The following ACSL6 variants were observed in gnomAD, a reference collection of about 807,000 sequenced individuals.
ACSL6 encodes the protein acyl-CoA synthetase long chain family member 6.
Under a neutral mutation model 98.2 loss-of-function variants are expected in ACSL6, and 47 were observed. The observed-to-expected ratio is 0.48, with a 90% CI of 0.38 to 0.61. The LOEUF (loss-of-function observed/expected upper bound fraction) is 0.61. Ranked by LOEUF, ACSL6 falls within the 20% of genes least tolerant of loss-of-function variation. The pLI is 0.00. For synonymous variants in ACSL6, 362 were observed against 336.9 expected, an observed-to-expected ratio of 1.07 and a Z score of -0.82; for missense variants, 761 against 913.4, an observed-to-expected ratio of 0.83 and a Z score of 2.15.
chr5:131,986,956 T>TAC (rs1420496974), intron 7 of ACSL6, 102 bp from the exon 8 acceptor site: 61 of 1,066,376 alleles, frequency 5.7e-5, no homozygotes, highest in East Asian at 2.5e-4. Context: ...CACATACACA[T>TAC]ACACACACAC....
chr5:131,990,480 G>A (rs1754445916), intron 3 of ACSL6, among the ~76,000 whole-genome samples: 1 of 152,198 alleles, frequency 6.6e-6, no homozygotes, highest in Non-Finnish European at 1.5e-5. Context: ...GGACCACTGG[G>A]AGGAGGTGGT....
intron 10 of ACSL6, chr5:131,975,758 T>C (rs1321500566): frequency 1.0e-6 from 1 of 985,362 alleles, no homozygotes; most frequent in Non-Finnish European, 1.2e-6. Context: ...GCTTGGGATC[T>C]GGGTGGGCTG....
intron 20 of ACSL6, among the ~76,000 whole-genome samples, chr5:131,956,658 A>G (rs1752423659): frequency 6.6e-6 from 1 of 152,230 alleles, no homozygotes; most frequent in African/African-American, 2.4e-5. Context: ...CAGTTGTTTA[A>G]CTGACACTGA....
chr5:131,986,681 C>T (rs1279900579), intron 8 of ACSL6, 141 bp downstream of exon 8: 8 of 1,033,678 alleles, frequency 7.7e-6, no homozygotes, highest in African/African-American at 4.7e-5. Context: ...GTCCTGGACA[C>T]TCAAGTGGGC....
chr5:131,956,848 A>G (rs1246564696), intron 20 of ACSL6, among the ~76,000 whole-genome samples: 10 of 152,224 alleles, frequency 6.6e-5, no homozygotes, highest in Admixed American at 6.5e-4. Flanking sequence ...ATGAAACTGG[A>G]ATTTCCATTT....
At chr5:132,011,869 C>T (rs1173057287), upstream of ACSL6, 1 of 1,525,430 alleles carries the variant, frequency 6.6e-7, no homozygotes. This position sits in a 1 kb window ranked among gnomAD's most constrained non-coding sequence, Gnocchi z 5.4. Context: ...GGCCCGGCCG[C>T]AGAGCGAACC....
At position 131,968,120 on chromosome 5, in the gene ACSL6, A is replaced by G. The variant is rs116778191; in HGVS notation, c.1508-92T>C. 1.2e-3 allele frequency: 1,227 copies of G among 1,031,312 alleles called. 13 individuals are homozygous for G. In the African/African-American group the frequency reaches 0.018, roughly 15 times the overall value. 63.9% of individuals were successfully genotyped at this position (1,031,312 alleles called of 1,614,324 possible). On this transcript the variant is annotated intron_variant, in intron 15 of 20. Transcript: ENST00000651883. ...AGCCCCTTAAAATCTCTGAGTGGCCAAAGTGGGGAATTATGGATGGAAAGT... is the reference window on the plus strand; with the variant it reads ...AGCCCCTTAAAATCTCTGAGTGGCCGAAGTGGGGAATTATGGATGGAAAGT...
At chr5:131,960,711 C>G (rs999318878) in intron 18 of ACSL6, 90 bp from the exon 19 acceptor site, 1 of 962,486 alleles carries the variant, frequency 1.0e-6, no homozygotes, top group South Asian at 1.7e-5. Context: ...CAGACTCCAC[C>G]TTTTTCAAAA....
rs369169616 is a variant in ACSL6 at position 131,960,541 on chromosome 5, A to G, written c.1938T>C (p.Tyr646=). The G allele has an allele frequency of 1.2e-6, 2 of 1,614,100 alleles. No individual in the cohort carries two copies. The highest frequency in any genetic ancestry group is 1.7e-5 in the Admixed American group (1 of 60,008). Residue 646 remains tyrosine (Y), a synonymous_variant, in exon 19 of 21, where the codon TAT becomes TAC. Transcript: ENST00000651883. ...CAACCTTATTTGTGCAGAGATCTGCATATGTTCCTTCAATTCCTCTCTTCT... is the reference window on the plus strand; with the variant it reads ...CAACCTTATTTGTGCAGAGATCTGCGTATGTTCCTTCAATTCCTCTCTTCT... ...WAQKRGIEGT[Y]ADLCTNKDLK...
At chr5:131,988,355 A>T in intron 6 of ACSL6, 129 bp from the exon 7 acceptor site, 1 of 1,322,208 alleles carries the variant, frequency 7.6e-7, no homozygotes, top group Non-Finnish European at 1.1e-6. Flanking sequence ...GTGTAAATAA[A>T]TACATAAGAC....
In ACSL6 at chr5:131,963,455, C is replaced by A. The variant is rs192818861; in HGVS notation, c.1714-777G>T. On this transcript the variant is annotated intron_variant, in intron 17 of 20. Transcript: ENST00000651883. ...AAGTCAGTTCAAGCTTCCAGCTCTT[C>A]ACTGAGCTCCAGATCCAGAACCCAA... Among the ~76,000 whole-genome samples, 583 of 152,354 alleles carry A rather than the reference C, an allele frequency of 3.8e-3. 6 individuals carry two copies. The highest frequency in any genetic ancestry group is 0.017 in the South Asian group (83 of 4,830).
chr5:131,966,778 T>G (rs567233567), intron 16 of ACSL6, among the ~76,000 whole-genome samples: 5 of 152,284 alleles, frequency 3.3e-5, no homozygotes, highest in Non-Finnish European at 1.5e-5. Context: ...TGTCATCTCT[T>G]CTCCCTCAGG....
intron 20 of ACSL6, among the ~76,000 whole-genome samples, chr5:131,957,893 T>C (rs1752499528): frequency 6.6e-6 from 1 of 152,020 alleles, no homozygotes; most frequent in South Asian, 2.1e-4. Flanking sequence ...AAGAGGAGAA[T>C]GAGAACAGAG....
At chr5:132,011,956 A>T, upstream of ACSL6, 2 of 1,540,170 alleles carry the variant, frequency 1.3e-6, no homozygotes, top group Non-Finnish European at 1.7e-6. The surrounding 1 kb of genome is among the most constrained non-coding windows in gnomAD (Gnocchi z 5.4). Context: ...AGCACGGGCG[A>T]CGAGCGCCAG....
chr5:131,997,957 G>A (rs1754877823), intron 1 of ACSL6, among the ~76,000 whole-genome samples: 1 of 152,222 alleles, frequency 6.6e-6, no homozygotes. Context: ...GAGGACATGG[G>A]CCTCAGAGCC....
intron 8 of ACSL6, 111 bp downstream of exon 8, chr5:131,986,710 AG>A (rs1305729016): frequency 2.2e-6 from 3 of 1,342,722 alleles, no homozygotes; most frequent in Non-Finnish European, 3.2e-6. Context: ...GCTTGCACAC[AG>A]GAGTTGCTTA....
At chr5:131,985,558 T>G in intron 8 of ACSL6, 100 bp from the exon 9 acceptor site, 1 of 1,245,740 alleles carries the variant, frequency 8.0e-7, no homozygotes, top group Admixed American at 1.8e-5. Context: ...ATATGTATGC[T>G]GTATGTGGGT....
intron 2 of ACSL6, chr5:131,993,213 C>T (rs2126914317): frequency 6.6e-6 from 1 of 152,454 alleles, no homozygotes; most frequent in African/African-American, 2.4e-5. Context: ...CCCTACAAGG[C>T]AAAACATGCT....
In ACSL6 at chr5:131,960,441, T is replaced by C. The variant is rs981562679; in HGVS notation, c.1959+79A>G. The stretch of plus-strand genomic sequence containing the variant: ...CGTACGAGCTCGAATTTCACTGGTC[T>C]ACAACTTTTCTGTCTTCTCATTATG... On this transcript the variant is annotated intron_variant, in intron 19 of 20. Transcript: ENST00000651883. 1.6e-5 allele frequency: 20 copies of C among 1,229,874 alleles called. No individual in the cohort carries two copies. In the Admixed American group the frequency reaches 2.4e-4, roughly 15 times the overall value. The allele number at this position is 1,229,874 out of a possible 1,614,324, so 76.2% of individuals were successfully genotyped here.
Sources: allele counts gnomAD v4.1 joint callset (sites outside exome capture counted in the v4.1 genomes callset), GRCh38; gene constraint gnomAD v4.1.1; non-coding constraint Gnocchi (gnomAD v3.1); transcripts MANE v1.5; gene names NCBI Gene and HGNC (gene_info 2026-07-23, HGNC 2026-07-21).